BPTF: variants seen among roughly 807,000 people sequenced by gnomAD.
BPTF encodes bromodomain PHD finger transcription factor, also known as nucleosome-remodeling factor subunit BPTF.
In BPTF, 18 loss-of-function variants were observed where a neutral mutation model predicts 292.5. The observed-to-expected ratio is 0.06, with a 90% CI of 0.04 to 0.09. The LOEUF is 0.09. BPTF is among the 10% of genes least tolerant of loss of function. The pLI is 1.00. For synonymous variants in BPTF, 1,225 were observed against 1,251.9 expected (o/e 0.98, Z 0.45); for missense variants, 2,726 against 3,498.7 (o/e 0.78, Z 5.57).
intron 2 of BPTF, among the ~76,000 whole-genome samples, chr17:67,863,585 A>C (rs1044108043): frequency 6.6e-6 from 1 of 152,116 alleles, no homozygotes; most frequent in Non-Finnish European, 1.5e-5. Flanking sequence ...CGCCCGGCCC[A>C]TTACCTTCTT....
intron 17 of BPTF, among the ~76,000 whole-genome samples, chr17:67,930,466 T>A (rs2064284428): frequency 6.6e-6 from 1 of 152,124 alleles, no homozygotes; most frequent in Middle Eastern, 3.4e-3. Context: ...CCCAAAGTGC[T>A]GGGATTACAG....
At chr17:67,962,862 G>A (rs1310610561) in intron 24 of BPTF, among the ~76,000 whole-genome samples, 1 of 152,100 alleles carries the variant, frequency 6.6e-6, no homozygotes, top group Non-Finnish European at 1.5e-5. Flanking sequence ...TGGTGTTTGC[G>A]CTTTGCTTTG....
At chr17:67,979,941 T>C (rs192866844) in intron 27 of BPTF, among the ~76,000 whole-genome samples, 153 of 151,944 alleles carry the variant, frequency 1.0e-3, no homozygotes, top group African/African-American at 3.5e-3. Flanking sequence ...CTTGGGAGGC[T>C]GAGACAGGAG....
intron 1 of BPTF, among the ~76,000 whole-genome samples, chr17:67,829,359 A>G (rs927150371): frequency 1.3e-5 from 2 of 150,052 alleles, no homozygotes; most frequent in Non-Finnish European, 3.0e-5. Context: ...TATCTCTTCT[A>G]AAAAAAAACG....
At chr17:67,979,169 C>A (rs1211610414) in intron 27 of BPTF, among the ~76,000 whole-genome samples, 350 of 72,516 alleles carry the variant, frequency 4.8e-3, no homozygotes, top group African/African-American at 5.3e-3. Flanking sequence ...GACCCTGTCT[C>A]AAAAAAAAAA....
chr17:67,958,883 C>T (rs2067199423), intron 23 of BPTF, among the ~76,000 whole-genome samples: 1 of 152,120 alleles, frequency 6.6e-6, no homozygotes, highest in South Asian at 2.1e-4. Flanking sequence ...AGGAGAATTG[C>T]CTGAACCCAG....
At chr17:67,949,795 C>T (rs184279787) in intron 23 of BPTF, among the ~76,000 whole-genome samples, 72 of 151,772 alleles carry the variant, frequency 4.7e-4, no homozygotes, top group Middle Eastern at 6.8e-3. Context: ...CGGTGTCTCA[C>T]GCCTGTAATC....
At chr17:67,933,746 T>A (rs1336451631) in intron 18 of BPTF, among the ~76,000 whole-genome samples, 1 of 152,122 alleles carries the variant, frequency 6.6e-6, no homozygotes, top group Non-Finnish European at 1.5e-5. Flanking sequence ...CCTTCTGAAA[T>A]ACACATTCAT....
intron 17 of BPTF, among the ~76,000 whole-genome samples, chr17:67,931,329 C>T (rs59480488): frequency 0.023 from 3,495 of 151,808 alleles, 137 homozygotes; most frequent in African/African-American, 0.08. Flanking sequence ...AATGATTAGC[C>T]GGACATGGTG....
At chr17:67,877,475 G>A (rs1264032549) in intron 4 of BPTF, among the ~76,000 whole-genome samples, 1 of 152,194 alleles carries the variant, frequency 6.6e-6, no homozygotes, top group South Asian at 2.1e-4. Flanking sequence ...GGCAGACTAA[G>A]AACAATAGCC....
intron 10 of BPTF, among the ~76,000 whole-genome samples, chr17:67,910,642 A>G (rs541884406): frequency 6.6e-6 from 1 of 152,184 alleles, no homozygotes; most frequent in East Asian, 1.9e-4. Flanking sequence ...TCTACTGAAA[A>G]TTCAAAAATA....
intron 23 of BPTF, among the ~76,000 whole-genome samples, chr17:67,954,938 A>G (rs533480344): frequency 2.0e-5 from 3 of 152,330 alleles, no homozygotes; most frequent in African/African-American, 7.2e-5. Flanking sequence ...CTATAGACAG[A>G]AACAGATTCA....
At chr17:67,905,889 C>T (rs960644807) in intron 9 of BPTF, among the ~76,000 whole-genome samples, 2 of 150,754 alleles carry the variant, frequency 1.3e-5, no homozygotes, top group Non-Finnish European at 3.0e-5. Flanking sequence ...CATCACACAC[C>T]GGGGCCTGTC....
intron 4 of BPTF, chr17:67,875,542 G>A: frequency 6.8e-7 from 1 of 1,466,796 alleles, no homozygotes; most frequent in South Asian, 1.5e-5. Flanking sequence ...GTTTTGTTGT[G>A]CATTTTGCTG....
chr17:67,835,870 G>T (rs976179712), intron 1 of BPTF, among the ~76,000 whole-genome samples: 36 of 151,842 alleles, frequency 2.4e-4, no homozygotes, highest in African/African-American at 5.6e-4. Context: ...TTTCACCATG[G>T]TAGCCAGGAT....
chr17:67,944,337 G>A lies in BPTF; in HGVS notation c.6665G>A (p.Ser2222Asn). The change falls in exon 20 of 28, where the codon AGC (serine) becomes AAC (asparagine). Residue 2222 changes from serine (S) to asparagine (N), a missense_variant. By Grantham distance (46) the Ser-to-Asn change is conservative (BLOSUM62 1). Coordinates refer to ENST00000306378, the MANE Select transcript of BPTF (RefSeq NM_182641.4). ...TPLATTATTA[S>N]TTTTTVSTTA... ...TTGGCAACAACAGCCACCACAGCCA[G>A]CACCACCACCACCACTGTTTCCACG... is the stretch of plus-strand genomic sequence containing the variant. The A allele has an allele frequency of 6.2e-7, 1 of 1,613,752 alleles. No individual in the cohort carries two copies. Among genetic ancestry groups the A allele is most frequent in the Non-Finnish European group, 8.5e-7 (1 of 1,180,004 alleles).
At chr17:67,869,970 A>G (rs1383123260) in intron 3 of BPTF, among the ~76,000 whole-genome samples, 1 of 144,972 alleles carries the variant, frequency 6.9e-6, no homozygotes, top group African/African-American at 2.6e-5. Context: ...ACTGCACTCC[A>G]GCCTGGGCGA....
At chr17:67,887,971 T>A (rs2060850329) in intron 4 of BPTF, among the ~76,000 whole-genome samples, 1 of 152,188 alleles carries the variant, frequency 6.6e-6, no homozygotes, top group South Asian at 2.1e-4. Flanking sequence ...TTGGATCATA[T>A]TGTTTCTAAC....
chr17:67,916,085 A>T (rs1192988154), intron 11 of BPTF, among the ~76,000 whole-genome samples: 1 of 152,190 alleles, frequency 6.6e-6, no homozygotes, highest in Non-Finnish European at 1.5e-5. Flanking sequence ...AAAGTGACAG[A>T]CACTTTCCCC....
Sources: gnomAD v4.1 joint callset for allele counts (sites outside exome capture counted in the v4.1 genomes callset) on GRCh38, gnomAD v4.1.1 for gene constraint, MANE v1.5 for transcripts, NCBI Gene and HGNC (gene_info 2026-07-23, HGNC 2026-07-21) for gene names.